PCNX1: variants seen among roughly 807,000 people sequenced by gnomAD.
PCNX1 encodes the protein pecanex 1.
Under a neutral mutation model 242.2 loss-of-function variants are expected in PCNX1, and 78 were observed. The ratio of observed to expected loss-of-function variants is 0.32; its 90% confidence interval spans 0.27 to 0.39. The LOEUF (loss-of-function observed/expected upper bound fraction) is 0.39, where lower values mean the gene tolerates loss of function less well. Among genes scored for constraint, PCNX1 ranks in the 10% least tolerant of loss-of-function variants. The probability of loss-of-function intolerance (pLI) is 1.00; values close to 1 mark genes in which losing one functional copy is unlikely to be tolerated. For synonymous variants in PCNX1, 1,024 were observed against 1,032.9 expected (o/e 0.99, Z 0.17); for missense variants, 2,581 against 2,856.5 (o/e 0.90, Z 2.20).
intron 8 of PCNX1, among the ~76,000 whole-genome samples, chr14:71,006,103 C>CTGTGTGTGTG (rs60147260): frequency 2.6e-5 from 3 of 114,154 alleles, no homozygotes; most frequent in East Asian, 2.5e-4. Flanking sequence ...GTGTGTGTGT[C>CTGTGTGTGTG]TGTGTGTGTG....
At position 71,026,848 on chromosome 14, in the gene PCNX1, T is replaced by C. The variant is rs140173884; in HGVS notation, c.3432T>C (p.Cys1144=). Residue 1144 remains cysteine (C), a synonymous_variant, in exon 15 of 36, where the codon TGT becomes TGC. Coordinates refer to ENST00000304743, the MANE Select transcript of PCNX1 (RefSeq NM_014982.3). ...TGAATACATTTGTAATGTACCTTTG[T>C]GAACAATTGGATATTCATATTTTTG... is the stretch of plus-strand genomic sequence containing the variant. ...PQVNTFVMYL[C]EQLDIHIFGG... 37 of 1,565,104 alleles carry C rather than the reference T, an allele frequency of 2.4e-5. No individual in the cohort carries two copies. The highest frequency in any genetic ancestry group is 3.2e-5 in the Non-Finnish European group (36 of 1,136,828).
chr14:70,965,593 G>T (rs1462600749), intron 3 of PCNX1, among the ~76,000 whole-genome samples: 2 of 150,366 alleles, frequency 1.3e-5, no homozygotes, highest in South Asian at 2.1e-4. Context: ...AACCCGGGAG[G>T]TGGAGGTTGC....
At chr14:70,923,771 C>G (rs1400117820) in intron 1 of PCNX1, among the ~76,000 whole-genome samples, 2 of 152,100 alleles carry the variant, frequency 1.3e-5, no homozygotes, top group African/African-American at 4.8e-5. Flanking sequence ...ATTATTTAAC[C>G]TGTTGCCAGC....
intron 1 of PCNX1, among the ~76,000 whole-genome samples, chr14:70,936,991 T>G (rs1363809343): frequency 1.3e-5 from 2 of 152,186 alleles, no homozygotes; most frequent in Non-Finnish European, 2.9e-5. Flanking sequence ...TTGATTGTTT[T>G]CTTGTAAATT....
At chr14:71,100,315 T>G (rs2062429716) in intron 30 of PCNX1, among the ~76,000 whole-genome samples, 1 of 152,220 alleles carries the variant, frequency 6.6e-6, no homozygotes, top group Non-Finnish European at 1.5e-5. Flanking sequence ...CCTTAGCACT[T>G]GCTTGTCTGG....
At position 71,087,002 on chromosome 14, in the gene PCNX1, T is replaced by A. The variant is rs550535036; in HGVS notation, c.5338-1328T>A. ...GGTAAATCTGAATTAAAAAAAAAAATTTCTCATCACAGAAACAATACATTT... is the reference window on the plus strand; with the variant it reads ...GGTAAATCTGAATTAAAAAAAAAAAATTCTCATCACAGAAACAATACATTT... On this transcript the variant is annotated intron_variant, in intron 28 of 35. Transcript: ENST00000304743. 4.1e-3 allele frequency among the ~76,000 whole-genome samples: 623 copies of A among 152,028 alleles called. 1 individual carries two copies. The highest frequency in any genetic ancestry group is 0.014 in the African/African-American group (574 of 41,448).
chr14:70,938,010 T>C (rs2057079973), intron 1 of PCNX1, among the ~76,000 whole-genome samples: 1 of 152,254 alleles, frequency 6.6e-6, no homozygotes, highest in African/African-American at 2.4e-5. Flanking sequence ...AAGTTGCTTA[T>C]CAGCTTAAGG....
intron 1 of PCNX1, among the ~76,000 whole-genome samples, chr14:70,919,533 A>G (rs568438090): frequency 6.6e-6 from 1 of 152,164 alleles, no homozygotes; most frequent in African/African-American, 2.4e-5. Flanking sequence ...TAACACTAGA[A>G]TAGCACAGAC....
chr14:70,963,581 G>C (rs533803767), intron 3 of PCNX1, among the ~76,000 whole-genome samples: 1 of 152,086 alleles, frequency 6.6e-6, no homozygotes, highest in African/African-American at 2.4e-5. Flanking sequence ...CTTGAACAGG[G>C]TCTTGTTTTC....
In PCNX1 at chr14:71,110,773, A is replaced by C. The variant is rs528496872; in HGVS notation, c.*838A>C. The C allele has an allele frequency of 2.6e-5, 4 of 152,848 alleles. No individual in the cohort carries two copies. The highest frequency in any genetic ancestry group is 9.6e-5 in the African/African-American group (4 of 41,582). The allele number at this position is 152,848 out of a possible 1,614,324, so 9.5% of individuals were successfully genotyped here. A position where few individuals can be genotyped will look rare whatever the true frequency, so the allele number is the denominator to read the frequency against. On this transcript the variant is annotated 3_prime_UTR_variant, in exon 36 of 36. Transcript: ENST00000304743. ...AATAGTCAGCGGATCGGTCTTGTGAACACCACTGCCAGCTCCTGTGTCTAC... is the reference window on the plus strand; with the variant it reads ...AATAGTCAGCGGATCGGTCTTGTGACCACCACTGCCAGCTCCTGTGTCTAC...
chr14:70,973,811 C>A (rs2058611086), intron 5 of PCNX1, among the ~76,000 whole-genome samples: 3 of 152,126 alleles, frequency 2.0e-5, no homozygotes, highest in African/African-American at 7.2e-5. Context: ...AAAATTTAGA[C>A]CTCTGCCACT....
chr14:71,086,214 C>T (rs546715680), intron 28 of PCNX1, among the ~76,000 whole-genome samples: 32 of 152,246 alleles, frequency 2.1e-4, no homozygotes, highest in African/African-American at 6.7e-4. Context: ...TCAGTCATTC[C>T]TCTGCCTTCT....
At position 71,109,898 on chromosome 14, in the gene PCNX1, T is replaced by C. The variant is rs912883399; in HGVS notation, c.6989T>C (p.Ile2330Thr). 1.9e-6 allele frequency: 3 copies of C among 1,613,278 alleles called. No homozygotes were observed. The highest frequency in any genetic ancestry group is 2.5e-6 in the Non-Finnish European group (3 of 1,179,416). Residue 2330 changes from isoleucine (I) to threonine (T), a missense_variant, in exon 36 of 36, where the codon ATT becomes ACT. Physicochemically the swap from Ile to Thr is moderately conservative, Grantham distance 89. This residue lies in a region of PCNX1 where 432 missense variants were observed against 433.6 expected (regional missense o/e 1.00). Transcript: ENST00000304743. ...VQIDDKYVTV[I>T]ETGVLELGAE... is the part of the protein sequence containing the mutation. ...ATTGATGATAAATATGTGACTGTAATTGAAACTGGGGTACTAGAACTTGGG... is the reference window on the plus strand; with the variant it reads ...ATTGATGATAAATATGTGACTGTAACTGAAACTGGGGTACTAGAACTTGGG...
chr14:71,092,179 T>C (rs535887795), intron 30 of PCNX1, among the ~76,000 whole-genome samples: 1 of 152,232 alleles, frequency 6.6e-6, no homozygotes, highest in Non-Finnish European at 1.5e-5. Context: ...GAATCCATCT[T>C]AAGGACAAGT....
Position 70,962,230 on chromosome 14 carries a change from C to T in PCNX1, c.367C>T (p.Pro123Ser), listed in dbSNP as rs565078718. Residue 123 changes from proline (P) to serine (S), a missense_variant, in exon 3 of 36, where the codon CCT (proline) becomes TCT (serine). By Grantham distance (74) the Pro-to-Ser change is moderately conservative. This residue lies in a region of PCNX1 where 1,204 missense variants were observed against 1,216.7 expected (regional missense o/e 0.99). Coordinates refer to ENST00000304743, the MANE Select transcript of PCNX1 (RefSeq NM_014982.3). ...TTCTCATTTTTTTCTCCACAGTGATCCTGGTGGAGGGATTGAAATGTCTGA... is the reference window on the plus strand; with the variant it reads ...TTCTCATTTTTTTCTCCACAGTGATTCTGGTGGAGGGATTGAAATGTCTGA... ...RRKDSNGPSD[P>S]GGGIEMSEFI... 2 of 1,595,088 alleles carry T rather than the reference C, an allele frequency of 1.3e-6. No individual in the cohort carries two copies. Among genetic ancestry groups the T allele is most frequent in the South Asian group, 1.1e-5 (1 of 90,652 alleles).
At chr14:71,055,346 A>G (rs1319268985) in intron 24 of PCNX1, among the ~76,000 whole-genome samples, 158 bp from the exon 25 acceptor site, 1 of 152,192 alleles carries the variant, frequency 6.6e-6, no homozygotes, top group South Asian at 2.1e-4. Context: ...AAGTGTGCTA[A>G]GGCATTTTAT....
Position 70,908,013 on chromosome 14 carries a change from G to A in PCNX1, c.153+10G>A, listed in dbSNP as rs971414943. ...CTTCACCCTCTACATGGTGAGTGTG[G>A]GGGCGGGGAGCGGGTGGCTCCTTCC... On this transcript the variant is annotated intron_variant, in intron 1 of 35. Coordinates refer to ENST00000304743, the MANE Select transcript of PCNX1 (RefSeq NM_014982.3). The A allele has an allele frequency of 6.4e-7, 1 of 1,567,076 alleles. No individual in the cohort carries two copies. The highest frequency in any genetic ancestry group is 1.2e-5 in the South Asian group (1 of 85,586).
At chr14:71,020,225 C>G (rs897841221) in intron 12 of PCNX1, among the ~76,000 whole-genome samples, 1 of 152,092 alleles carries the variant, frequency 6.6e-6, no homozygotes, top group African/African-American at 2.4e-5. Context: ...CTATTGTGAA[C>G]AGTGCTGCAA....
chr14:70,976,026 A>G (rs1281538039), intron 5 of PCNX1, among the ~76,000 whole-genome samples: 2 of 152,208 alleles, frequency 1.3e-5, no homozygotes, highest in African/African-American at 2.4e-5. Flanking sequence ...TTGTTTAGGC[A>G]TTGGTCAGCC....
Sources: gnomAD v4.1 joint callset for allele counts (sites outside exome capture counted in the v4.1 genomes callset) on GRCh38, gnomAD v4.1.1 for gene constraint, gnomAD v4.1.1 regional missense constraint, MANE v1.5 for transcripts, NCBI Gene and HGNC (gene_info 2026-07-23, HGNC 2026-07-21) for gene names.